Variants in SEC11A observed in about 807,000 individuals in gnomAD.
SEC11A encodes the protein signal peptidase complex catalytic subunit SEC11A.
SEC11A carries 14 observed loss-of-function variants against 25.6 expected under a neutral mutation model. That is an observed-to-expected ratio of 0.55 (90% CI 0.36 to 0.85). The LOEUF (loss-of-function observed/expected upper bound fraction) is 0.85, where lower values mean the gene tolerates loss of function less well. Ranked by LOEUF, SEC11A falls within the 40% of genes least tolerant of loss-of-function variation. The pLI, the probability that SEC11A is intolerant of heterozygous loss-of-function variation, is 0.01. For missense variants in SEC11A, 153 were observed against 222.9 expected, an observed-to-expected ratio of 0.69 and a Z score of 2.00; for synonymous variants, 83 against 76.4, an observed-to-expected ratio of 1.09 and a Z score of -0.45.
intron 2 of SEC11A, among the ~76,000 whole-genome samples, chr15:84,688,229 T>A (rs59867363): frequency 0.062 from 9,481 of 152,272 alleles, 377 homozygotes; most frequent in African/African-American, 0.088. Flanking sequence ...TGACCTTATA[T>A]GTTCAACTCA....
At chr15:84,707,510 T>C (rs758829982) in intron 1 of SEC11A, among the ~76,000 whole-genome samples, 1 of 152,178 alleles carries the variant, frequency 6.6e-6, no homozygotes, top group African/African-American at 2.4e-5. Flanking sequence ...AATAAATCCA[T>C]TATTCAATAA....
At chr15:84,715,997 A>C (rs1168855922) in intron 1 of SEC11A, 28 bp downstream of exon 1, 61 of 1,610,806 alleles carry the variant, frequency 3.8e-5, no homozygotes, top group Non-Finnish European at 4.7e-5. Context: ...AAGAAGAGCC[A>C]GGAGAAAAAG....
chr15:84,680,680 T>A (rs779830240), intron 4 of SEC11A, 33 bp downstream of exon 4: 2 of 1,560,042 alleles, frequency 1.3e-6, no homozygotes, highest in East Asian at 2.3e-5. Flanking sequence ...TCAAGTGATA[T>A]AAAAAGTTTG....
At chr15:84,695,672 T>C (rs1378987636) in intron 1 of SEC11A, among the ~76,000 whole-genome samples, 2 of 145,886 alleles carry the variant, frequency 1.4e-5, no homozygotes, top group Non-Finnish European at 3.1e-5. Flanking sequence ...AGCTCTCTTG[T>C]ACCATTTTCT....
chr15:84,701,493 T>C lies in SEC11A; in HGVS notation c.52-9849A>G, dbSNP rs568957903. The stretch of plus-strand genomic sequence containing the variant: ...ATAGATACTTATATTTTATACTTAT[T>C]GAGATCATGCCACTGCACTCCAGCC... On this transcript the variant is annotated intron_variant, in intron 1 of 5. Transcript: ENST00000268220. 1.4e-4 allele frequency among the ~76,000 whole-genome samples: 22 copies of C among 151,820 alleles called. 1 individual carries two copies. The highest frequency in any genetic ancestry group is 2.2e-4 in the Non-Finnish European group (15 of 67,932).
chr15:84,670,947 A>C (rs1596065071), intron 4 of SEC11A, 165 bp from the exon 5 acceptor site: 1 of 435,140 alleles, frequency 2.3e-6, no homozygotes, highest in Admixed American at 4.4e-5. Context: ...AAGTGATAGG[A>C]AAGTTAGGAA....
At chr15:84,685,826 G>A (rs1300333466) in intron 3 of SEC11A, 2 of 117,786 alleles carry the variant, frequency 1.7e-5, no homozygotes, top group African/African-American at 6.9e-5. Context: ...TTTTTGAGAT[G>A]GAGTCTCACT....
intron 1 of SEC11A, among the ~76,000 whole-genome samples, chr15:84,699,218 G>A (rs940739949): frequency 1.3e-5 from 2 of 151,520 alleles, no homozygotes; most frequent in African/African-American, 2.4e-5. Flanking sequence ...GGGAGGTTGA[G>A]GTGGGAGGAT....
Position 84,670,173 on chromosome 15 carries a change from C to A in SEC11A, c.490-104G>T, listed in dbSNP as rs559985474. ...TCTTTGTGAATATATCGCTAAACTA[C>A]CCAATTATTCTTTCATCTTTTAACT... On this transcript the variant is annotated intron_variant, in intron 5 of 5. Coordinates refer to ENST00000268220, the MANE Select transcript of SEC11A (RefSeq NM_014300.4). The A allele has an allele frequency of 2.7e-5, 26 of 974,146 alleles. No homozygotes were observed. The East Asian group carries it at 6.6e-4, about 25-fold the overall frequency. The allele number at this position is 974,146 out of a possible 1,614,324, so 60.3% of individuals were successfully genotyped here. A position where few individuals can be genotyped will look rare whatever the true frequency, so the allele number is the denominator to read the frequency against.
rs1596088999 is a variant in SEC11A at position 84,716,083 on chromosome 15, A to G, written c.-8T>C. On this transcript the variant is annotated 5_prime_UTR_variant, in exon 1 of 6. Transcript: ENST00000268220. ...AAAGTCTAGAGACAGCATGGCGGGGACGGCGAGCAGGACACCGGCAGGGGA... is the reference window on the plus strand; with the variant it reads ...AAAGTCTAGAGACAGCATGGCGGGGGCGGCGAGCAGGACACCGGCAGGGGA... 1.9e-6 allele frequency: 3 copies of G among 1,612,936 alleles called. No individual in the cohort carries two copies. In the African/African-American group the frequency reaches 4.0e-5, roughly 22 times the overall value.
chr15:84,704,774 C>A (rs1898046119), intron 1 of SEC11A, among the ~76,000 whole-genome samples: 1 of 152,170 alleles, frequency 6.6e-6, no homozygotes. Context: ...GTTGCATGTT[C>A]CTGTGGCAGC....
At chr15:84,692,084 C>G (rs1897628110) in intron 1 of SEC11A, 1 of 141,944 alleles carries the variant, frequency 7.0e-6, no homozygotes, top group African/African-American at 2.7e-5. Flanking sequence ...GGCTGGAGTA[C>G]AGTGGTGCCA....
intron 1 of SEC11A, among the ~76,000 whole-genome samples, chr15:84,707,430 C>T (rs763855594): frequency 6.0e-4 from 91 of 152,030 alleles, no homozygotes; most frequent in Admixed American, 3.3e-4. Flanking sequence ...ATGATCCACC[C>T]ACCTCGGCCT....
chr15:84,687,701 C>T lies in SEC11A; in HGVS notation c.235G>A (p.Val79Met). ...ATCCTAAAAACAACAATTTCTCCCA[C>T]TCGTATGGGATCTTCAACTCGATTT... Reference protein sequence around the residue: ...LTNRVEDPIRVGEIVVFRIEG... With the variant: ...LTNRVEDPIRMGEIVVFRIEG... The change falls in exon 3 of 6, where the codon GTG becomes ATG. Residue 79 changes from valine to methionine, a missense_variant. Transcript: ENST00000268220. 1.2e-6 allele frequency: 2 copies of T among 1,601,656 alleles called. No homozygotes were observed. Among genetic ancestry groups the T allele is most frequent in the Non-Finnish European group, 1.7e-6 (2 of 1,176,214 alleles).
chr15:84,711,018 C>T (rs571430332), intron 1 of SEC11A, among the ~76,000 whole-genome samples: 1 of 150,402 alleles, frequency 6.6e-6, no homozygotes, highest in African/African-American at 2.4e-5. Flanking sequence ...TCTAGTGAGC[C>T]GAGGTCGAGC....
chr15:84,712,507 G>A (rs1048249946), intron 1 of SEC11A, among the ~76,000 whole-genome samples: 2 of 149,806 alleles, frequency 1.3e-5, no homozygotes, highest in African/African-American at 4.9e-5. Context: ...GAGTGCAGTG[G>A]TGCGATCTGG....
In SEC11A at chr15:84,691,614, T is replaced by C; in HGVS notation, c.82A>G (p.Ile28Val). The change falls in exon 2 of 6, where the codon ATT becomes GTT. Residue 28 changes from isoleucine (I) to valine (V), a missense_variant. By Grantham distance (29) the Ile-to-Val change is conservative. Coordinates refer to ENST00000268220, the MANE Select transcript of SEC11A (RefSeq NM_014300.4). ...CAGATCATTAGTGCCGATGAGACAA[T>C]CATTCCAAAATTTAGGACTTGATAA... ...LYYQVLNFGM[I>V]VSSALMIWKG... The C allele has an allele frequency of 6.2e-7, 1 of 1,612,410 alleles. No individual in the cohort carries two copies.
At chr15:84,683,384 A>AAAACAAAC (rs57035460) in intron 3 of SEC11A, among the ~76,000 whole-genome samples, 316 of 150,776 alleles carry the variant, frequency 2.1e-3, no homozygotes, top group Non-Finnish European at 3.0e-3. Flanking sequence ...ATTTGCTGGC[A>AAAACAAAC]AAACAAACAA....
In SEC11A at chr15:84,690,588, T is replaced by C. The variant is rs550218264; in HGVS notation, c.161+947A>G. On this transcript the variant is annotated intron_variant, in intron 2 of 5. Coordinates refer to ENST00000268220, the MANE Select transcript of SEC11A (RefSeq NM_014300.4). ...GTTATGACGGCGCCACTGCACTCTA[T>C]CCTGGGTAACAGAGCGAGACCCCAT... is the stretch of plus-strand genomic sequence containing the variant. Among the ~76,000 whole-genome samples the C allele has an allele frequency of 1.1e-4, 17 of 149,820 alleles. No individual in the cohort carries two copies. In the South Asian group the frequency reaches 3.4e-3, roughly 30 times the overall value.
Sources: gnomAD v4.1 joint callset for allele counts (sites outside exome capture counted in the v4.1 genomes callset) on GRCh38, gnomAD v4.1.1 for gene constraint, MANE v1.5 for transcripts, NCBI Gene and HGNC (gene_info 2026-07-23, HGNC 2026-07-21) for gene names.